Variants in CSMD1 observed in about 807,000 individuals in gnomAD.
The protein encoded by CSMD1 is CUB and sushi domain-containing protein 1.
Under a neutral mutation model 417.5 loss-of-function variants are expected in CSMD1, and 213 were observed. The ratio of observed to expected loss-of-function variants is 0.51; its 90% CI spans 0.46 to 0.57. The LOEUF is 0.57. Among genes scored for constraint, CSMD1 ranks in the 20% least tolerant of loss-of-function variants. The pLI, the probability that CSMD1 is intolerant of heterozygous loss-of-function variation, is 0.00. For synonymous variants in CSMD1, 2,862 were observed against 1,736.8 expected, an observed-to-expected ratio of 1.65 and a Z score of -16.11; for missense variants, 6,923 against 4,529.7, an observed-to-expected ratio of 1.53 and a Z score of -15.17.
intron 23 of CSMD1, among the ~76,000 whole-genome samples, chr8:3,327,085 C>A (rs975426227): frequency 4.6e-5 from 7 of 151,360 alleles, no homozygotes; most frequent in Admixed American, 3.3e-4. Flanking sequence ...CACAGAAACA[C>A]GTGCAGAGTC....
At chr8:4,102,620 C>G (rs141253076) in intron 3 of CSMD1, among the ~76,000 whole-genome samples, 5 of 152,152 alleles carry the variant, frequency 3.3e-5, no homozygotes, top group Non-Finnish European at 5.9e-5. Context: ...TCAAATGCCT[C>G]CTGTTCTTGG....
intron 10 of CSMD1, among the ~76,000 whole-genome samples, chr8:3,514,203 G>T (rs142319601): frequency 2.0e-4 from 31 of 152,248 alleles, no homozygotes; most frequent in African/African-American, 7.0e-4. Context: ...ACATGCTCTT[G>T]TGTAAAGGAT....
chr8:4,354,180 A>T (rs900664742), intron 3 of CSMD1, among the ~76,000 whole-genome samples: 6 of 152,210 alleles, frequency 3.9e-5, no homozygotes. Context: ...CCCAAACAAC[A>T]TGTCCACAAG....
chr8:3,701,510 T>TA (rs142780821), intron 7 of CSMD1, among the ~76,000 whole-genome samples: 5,119 of 23,682 alleles, frequency 0.22, 249 homozygotes, highest in African/African-American at 0.46. Flanking sequence ...GATTAAACCT[T>TA]ATTTTTTTTT....
intron 11 of CSMD1, among the ~76,000 whole-genome samples, chr8:3,481,091 G>C (rs547957230): frequency 2.0e-5 from 3 of 146,776 alleles, no homozygotes. Flanking sequence ...AGAAGGCGGA[G>C]CTTGCAGTGA....
At chr8:3,313,373 GA>G (rs1805503125) in intron 23 of CSMD1, among the ~76,000 whole-genome samples, 1 of 152,120 alleles carries the variant, frequency 6.6e-6, no homozygotes, top group East Asian at 1.9e-4. Context: ...CTACTCATCT[GA>G]CAAAGGGCTA....
intron 5 of CSMD1, among the ~76,000 whole-genome samples, chr8:3,763,679 G>T (rs1346966303): frequency 6.6e-6 from 1 of 152,110 alleles, no homozygotes; most frequent in Non-Finnish European, 1.5e-5. Context: ...ACTGACACAA[G>T]TGCCTTTGTG....
At chr8:4,779,987 C>G (rs1266152600) in intron 1 of CSMD1, among the ~76,000 whole-genome samples, 1 of 152,000 alleles carries the variant, frequency 6.6e-6, no homozygotes, top group Non-Finnish European at 1.5e-5. Flanking sequence ...GGCTTTTCAG[C>G]AAACATTCTT....
intron 3 of CSMD1, among the ~76,000 whole-genome samples, chr8:4,391,141 T>A (rs927541984): frequency 6.6e-6 from 1 of 152,186 alleles, no homozygotes; most frequent in African/African-American, 2.4e-5. Flanking sequence ...ACCCAGATAA[T>A]GCCTGTGCTC....
intron 1 of CSMD1, among the ~76,000 whole-genome samples, chr8:4,887,821 T>A (rs146647883): frequency 4.4e-4 from 67 of 152,206 alleles, no homozygotes; most frequent in African/African-American, 1.3e-3. Context: ...TTTTAAAGTC[T>A]TTTTTGAGCA....
At chr8:3,335,087 C>T (rs1382111191) in intron 23 of CSMD1, among the ~76,000 whole-genome samples, 2 of 152,134 alleles carry the variant, frequency 1.3e-5, no homozygotes, top group Admixed American at 6.5e-5. Context: ...CTCATGAAAC[C>T]GAGAGGAGCC....
chr8:2,984,732 G>C (rs1161445172), intron 54 of CSMD1, among the ~76,000 whole-genome samples: 2 of 152,196 alleles, frequency 1.3e-5, no homozygotes, highest in Admixed American at 1.3e-4. Flanking sequence ...TGGTAATTTT[G>C]GGTCTAGGAA....
intron 3 of CSMD1, among the ~76,000 whole-genome samples, chr8:4,351,081 G>A (rs777310281): frequency 2.0e-5 from 3 of 151,978 alleles, no homozygotes; most frequent in Admixed American, 6.6e-5. Flanking sequence ...AACTTCAGGA[G>A]TCTGAAGCCA....
intron 37 of CSMD1, among the ~76,000 whole-genome samples, chr8:3,173,266 C>T (rs759727144): frequency 1.1e-4 from 16 of 152,070 alleles, no homozygotes; most frequent in East Asian, 1.9e-4. Flanking sequence ...TATTGAATGC[C>T]TAAAGTAATA....
intron 10 of CSMD1, among the ~76,000 whole-genome samples, chr8:3,503,587 C>G (rs1265070115): frequency 6.6e-6 from 1 of 152,200 alleles, no homozygotes; most frequent in Non-Finnish European, 1.5e-5. Context: ...CAGGGCCCTG[C>G]CAAGTCCCTT....
intron 3 of CSMD1, among the ~76,000 whole-genome samples, chr8:4,300,757 T>C (rs1172522035): frequency 6.6e-6 from 1 of 152,126 alleles, no homozygotes; most frequent in African/African-American, 2.4e-5. Flanking sequence ...GTTGTTCAAT[T>C]CCTCCCTATG....
At chr8:3,176,880 C>G (rs373093442) in intron 37 of CSMD1, among the ~76,000 whole-genome samples, 1 of 151,418 alleles carries the variant, frequency 6.6e-6, no homozygotes, top group Non-Finnish European at 1.5e-5. Context: ...CTGGGCTCAA[C>G]GGATCATCCC....
At chr8:4,208,099 A>G (rs1563274962) in intron 3 of CSMD1, among the ~76,000 whole-genome samples, 1 of 152,178 alleles carries the variant, frequency 6.6e-6, no homozygotes, top group Non-Finnish European at 1.5e-5. Context: ...ATGCAATATC[A>G]GGACAAGCAA....
At chr8:2,999,121 T>C (rs1006246505) in intron 53 of CSMD1, among the ~76,000 whole-genome samples, 23 of 151,848 alleles carry the variant, frequency 1.5e-4, no homozygotes, top group African/African-American at 5.6e-4. Flanking sequence ...TGATCATTCA[T>C]TACATGTAAT....
Sources: gnomAD v4.1 joint callset for allele counts (sites outside exome capture counted in the v4.1 genomes callset) on GRCh38, gnomAD v4.1.1 for gene constraint, MANE v1.5 for transcripts, NCBI Gene and HGNC (gene_info 2026-07-23, HGNC 2026-07-21) for gene names.